Variants in SAMD4A observed in about 807,000 individuals in gnomAD.
The protein encoded by SAMD4A is protein Smaug homolog 1.
A neutral mutation model predicts 81.3 loss-of-function variants in SAMD4A; 33 were observed. That is an observed-to-expected ratio of 0.41 (90% CI 0.31 to 0.54). The LOEUF is 0.54. SAMD4A is among the 20% of genes least tolerant of loss of function. The pLI, the probability that SAMD4A is intolerant of heterozygous loss-of-function variation, is 0.37. For missense variants in SAMD4A, 854 were observed against 951.1 expected (o/e 0.90, Z 1.34); for synonymous variants, 389 against 382.1 (o/e 1.02, Z -0.21).
At chr14:54,682,685 A>G (rs922419163) in intron 2 of SAMD4A, among the ~76,000 whole-genome samples, 1 of 152,208 alleles carries the variant, frequency 6.6e-6, no homozygotes, top group South Asian at 2.1e-4. Flanking sequence ...CTGCACTCTG[A>G]CTATGGCTGT....
Position 54,764,553 on chromosome 14 carries a change from A to G in SAMD4A, c.1596+13A>G. The G allele has an allele frequency of 6.4e-7, 1 of 1,564,444 alleles. No individual in the cohort carries two copies. Among genetic ancestry groups the G allele is most frequent in the Non-Finnish European group, 8.7e-7 (1 of 1,150,098 alleles). On this transcript the variant is annotated intron_variant, in intron 8 of 12. Transcript: ENST00000554335. ...TCTAATTCATGAGGTGAGTAGTGAC[A>G]GGTTTTACAAAACCATTTTTTTTTT... is the stretch of plus-strand genomic sequence containing the variant.
intron 2 of SAMD4A, among the ~76,000 whole-genome samples, chr14:54,675,424 T>C: frequency 6.7e-6 from 1 of 149,740 alleles, no homozygotes; most frequent in East Asian, 2.0e-4. Context: ...CAGCTTATTT[T>C]ATGACCAACA....
intron 9 of SAMD4A, 64 bp downstream of exon 9, chr14:54,770,286 G>A (rs551070772): frequency 3.6e-5 from 40 of 1,101,700 alleles, no homozygotes; most frequent in Non-Finnish European, 5.3e-5. Context: ...TGCCTACCTC[G>A]GTTCCTGGGG....
chr14:54,632,815 G>A (rs374738059), intron 2 of SAMD4A, among the ~76,000 whole-genome samples: 1 of 152,150 alleles, frequency 6.6e-6, no homozygotes, highest in Non-Finnish European at 1.5e-5. Context: ...AAAATAGGAC[G>A]TATAACAGTA....
chr14:54,641,768 GC>G (rs1355125774), intron 2 of SAMD4A, among the ~76,000 whole-genome samples: 1 of 152,096 alleles, frequency 6.6e-6, no homozygotes, highest in Non-Finnish European at 1.5e-5. Flanking sequence ...TTCTACACAG[GC>G]TTTTATCAAG....
intron 2 of SAMD4A, among the ~76,000 whole-genome samples, chr14:54,625,169 A>C (rs1227403716): frequency 6.6e-6 from 1 of 152,102 alleles, no homozygotes; most frequent in Non-Finnish European, 1.5e-5. Flanking sequence ...TCAGGAGATT[A>C]GGCAATCCCC....
intron 11 of SAMD4A, among the ~76,000 whole-genome samples, chr14:54,779,900 G>A (rs976430592): frequency 4.6e-5 from 7 of 152,252 alleles, no homozygotes; most frequent in African/African-American, 1.2e-4. Flanking sequence ...GCGCCTGTGC[G>A]AATGGTCACG....
chr14:54,677,684 G>T (rs2036021525), intron 2 of SAMD4A, among the ~76,000 whole-genome samples: 1 of 152,158 alleles, frequency 6.6e-6, no homozygotes, highest in Non-Finnish European at 1.5e-5. Flanking sequence ...ATGAAATGAA[G>T]ATTTTTGTGG....
chr14:54,722,252 GAGA>G (rs1308707105), intron 3 of SAMD4A, among the ~76,000 whole-genome samples: 2 of 152,146 alleles, frequency 1.3e-5, no homozygotes, highest in Non-Finnish European at 1.5e-5. Flanking sequence ...CAGCTAATAT[GAGA>G]AGGATAGGTA....
intron 2 of SAMD4A, among the ~76,000 whole-genome samples, chr14:54,611,828 G>C (rs2034363534): frequency 6.6e-6 from 1 of 150,980 alleles, no homozygotes; most frequent in Admixed American, 6.6e-5. Context: ...AGTCAGATGA[G>C]ATTGCGCCAC....
At chr14:54,570,032 G>A (rs1264443870) in intron 2 of SAMD4A, among the ~76,000 whole-genome samples, 2 of 152,086 alleles carry the variant, frequency 1.3e-5, no homozygotes, top group Non-Finnish European at 2.9e-5. Context: ...ATACTTATTT[G>A]TATAAGATAC....
At chr14:54,757,708 CCT>C (rs1387237114) in intron 6 of SAMD4A, among the ~76,000 whole-genome samples, 2 of 152,134 alleles carry the variant, frequency 1.3e-5, no homozygotes, top group African/African-American at 4.8e-5. Context: ...TTTCCTAGCC[CCT>C]CTTCATGGGG....
rs1329285105 is a variant in SAMD4A at position 54,586,475 on chromosome 14, T to C, written c.196+18363T>C. ...TCTTTGTTTTTGCTGCATTTGCTTT[T>C]GGGTTCTTGATCATGACGTCTTTAC... On this transcript the variant is annotated intron_variant, in intron 2 of 12. Coordinates refer to ENST00000554335, the MANE Select transcript of SAMD4A (RefSeq NM_015589.6). Among the ~76,000 whole-genome samples the C allele has an allele frequency of 3.9e-5, 6 of 152,232 alleles. No individual in the cohort carries two copies. The East Asian group carries it at 1.2e-3, about 29-fold the overall frequency.
chr14:54,702,733 A>G (rs2036752319), intron 3 of SAMD4A, 153 bp downstream of exon 3: 7 of 876,944 alleles, frequency 8.0e-6, no homozygotes, highest in Non-Finnish European at 1.2e-5. Context: ...TTTGGACCCC[A>G]TATTTGTTGC....
Position 54,774,678 on chromosome 14 carries a change from G to A in SAMD4A, c.1716-256G>A, listed in dbSNP as rs180848889. 6.0e-3 allele frequency among the ~76,000 whole-genome samples: 863 copies of A among 143,574 alleles called. 26 individuals carry two copies. Among genetic ancestry groups the A allele is most frequent in the Admixed American group, 0.053 (754 of 14,118 alleles). The allele number at this position is 143,574 out of a possible 152,430, so 94.2% of individuals were successfully genotyped here. A position where few individuals can be genotyped will look rare whatever the true frequency, so the allele number is the denominator to read the frequency against. On this transcript the variant is annotated intron_variant, in intron 9 of 12. Coordinates refer to ENST00000554335, the MANE Select transcript of SAMD4A (RefSeq NM_015589.6). ...AAAAAAAAAAAGTTAGCTGGGCATG[G>A]TGGCACATGCCTGTAGTCCCAGCTA...
At chr14:54,635,749 AAAAAG>A (rs1566559653) in intron 2 of SAMD4A, among the ~76,000 whole-genome samples, 2 of 152,154 alleles carry the variant, frequency 1.3e-5, no homozygotes, top group African/African-American at 4.8e-5. Flanking sequence ...CTCAAAAAAA[AAAAAG>A]AAAAGAAAAA....
At chr14:54,710,262 T>A (rs2036956418) in intron 3 of SAMD4A, among the ~76,000 whole-genome samples, 1 of 152,152 alleles carries the variant, frequency 6.6e-6, no homozygotes, top group South Asian at 2.1e-4. Flanking sequence ...AAATGATGTG[T>A]TTGGTACCAT....
chr14:54,745,707 A>T (rs2037951502), intron 4 of SAMD4A, among the ~76,000 whole-genome samples: 1 of 152,210 alleles, frequency 6.6e-6, no homozygotes, highest in African/African-American at 2.4e-5. Flanking sequence ...AGCATATAGC[A>T]AAAGCATCTT....
At chr14:54,630,101 C>T (rs1431224927) in intron 2 of SAMD4A, among the ~76,000 whole-genome samples, 2 of 152,162 alleles carry the variant, frequency 1.3e-5, no homozygotes, top group African/African-American at 4.8e-5. Context: ...GGGTTGCTTC[C>T]ACCCTTTGGC....
Sources: allele counts gnomAD v4.1 joint callset (sites outside exome capture counted in the v4.1 genomes callset), GRCh38; gene constraint gnomAD v4.1.1; transcripts MANE v1.5; gene names NCBI Gene and HGNC (gene_info 2026-07-23, HGNC 2026-07-21).